Variants in PDE4D observed in about 807,000 individuals in gnomAD.
PDE4D encodes the protein 3',5'-cyclic-AMP phosphodiesterase 4D.
A neutral mutation model predicts 87.4 loss-of-function variants in PDE4D; 24 were observed. That is an observed-to-expected ratio of 0.27 (90% CI 0.20 to 0.39). The LOEUF is 0.39. Among genes scored for constraint, PDE4D ranks in the 10% least tolerant of loss-of-function variants. The pLI is 1.00. For missense variants in PDE4D, 714 were observed against 1,041.0 expected, an observed-to-expected ratio of 0.69 and a Z score of 4.32; for synonymous variants, 384 against 383.2, an observed-to-expected ratio of 1.00 and a Z score of -0.02.
At chr5:60,121,441 C>A (rs1365399627) in intron 2 of PDE4D, among the ~76,000 whole-genome samples, 6 of 152,122 alleles carry the variant, frequency 3.9e-5, no homozygotes, top group African/African-American at 1.2e-4. Context: ...ATTGGACTTA[C>A]ACTTCCATGT....
At chr5:59,499,307 CAAG>C (rs1807820549) in intron 1 of PDE4D, among the ~76,000 whole-genome samples, 1 of 142,806 alleles carries the variant, frequency 7.0e-6, no homozygotes, top group Non-Finnish European at 1.5e-5. Context: ...ATGTCTACAT[CAAG>C]AAGATACATC....
intron 1 of PDE4D, among the ~76,000 whole-genome samples, chr5:59,460,725 T>A (rs1028950215): frequency 1.3e-5 from 2 of 152,178 alleles, no homozygotes; most frequent in African/African-American, 4.8e-5. Context: ...GACAGCTGAC[T>A]TTCCTAGACA....
At chr5:60,429,812 C>T (rs1324654562) in intron 1 of PDE4D, 4 of 343,350 alleles carry the variant, frequency 1.2e-5, no homozygotes, top group Non-Finnish European at 1.7e-5. Context: ...AGGGATAAAG[C>T]CTGCTCAATG....
intron 2 of PDE4D, among the ~76,000 whole-genome samples, chr5:60,033,176 T>C (rs1767428898): frequency 6.6e-6 from 1 of 152,184 alleles, no homozygotes; most frequent in Non-Finnish European, 1.5e-5. Flanking sequence ...ATTTGTGCTG[T>C]TGTTCGGTAA....
At chr5:59,230,029 C>T (rs932464691) in intron 1 of PDE4D, among the ~76,000 whole-genome samples, 3 of 152,140 alleles carry the variant, frequency 2.0e-5, no homozygotes, top group Non-Finnish European at 2.9e-5. Flanking sequence ...TCAGGCGATC[C>T]GCCTGCCTCG....
At chr5:59,115,202 A>T (rs1773390370) in intron 5 of PDE4D, among the ~76,000 whole-genome samples, 1 of 152,182 alleles carries the variant, frequency 6.6e-6, no homozygotes, top group Non-Finnish European at 1.5e-5. Context: ...ATACAGATTG[A>T]GCAAAATATA....
intron 5 of PDE4D, among the ~76,000 whole-genome samples, chr5:59,048,932 T>C (rs1455066416): frequency 2.6e-5 from 4 of 152,216 alleles, no homozygotes; most frequent in Non-Finnish European, 5.9e-5. Flanking sequence ...CAGTCCTATT[T>C]ATAAAGTCAG....
chr5:59,858,217 A>G (rs1745742259), intron 1 of PDE4D, among the ~76,000 whole-genome samples: 1 of 152,134 alleles, frequency 6.6e-6, no homozygotes, highest in Non-Finnish European at 1.5e-5. Flanking sequence ...ACACTTGGGC[A>G]GCAGCTGAAG....
chr5:59,213,907 C>G (rs897466022), intron 2 of PDE4D, among the ~76,000 whole-genome samples: 2 of 152,010 alleles, frequency 1.3e-5, no homozygotes, highest in African/African-American at 4.8e-5. Context: ...GTTTTCTACT[C>G]TCTGCCCTTT....
intron 5 of PDE4D, among the ~76,000 whole-genome samples, chr5:59,074,988 A>G (rs1254171471): frequency 6.6e-6 from 1 of 151,934 alleles, no homozygotes; most frequent in East Asian, 1.9e-4. Context: ...GCTGATCAGA[A>G]GACCTGAGAG....
chr5:60,093,500 A>G (rs1027789874), intron 2 of PDE4D, among the ~76,000 whole-genome samples: 1 of 152,234 alleles, frequency 6.6e-6, no homozygotes, highest in African/African-American at 2.4e-5. Context: ...TTATTCAAGT[A>G]TCTTCATGCC....
rs116074620 is a variant in PDE4D at position 59,972,307 on chromosome 5, C to T, written c.272+16181G>A. On this transcript the variant is annotated intron_variant, in intron 3 of 16. Coordinates refer to the PDE4D transcript ENST00000502484. ...GAAGAGGATTGGATACTGAGTAGCC[C>T]AGTATCTACCCAGTTGTCTACCCTA... Among the ~76,000 whole-genome samples, 746 of 152,298 alleles carry T rather than the reference C, an allele frequency of 4.9e-3. 11 individuals carry two copies. The highest frequency in any genetic ancestry group is 0.017 in the African/African-American group (722 of 41,558).
At chr5:59,163,659 C>A (rs566028866) in intron 5 of PDE4D, among the ~76,000 whole-genome samples, 3 of 152,286 alleles carry the variant, frequency 2.0e-5, no homozygotes, top group Admixed American at 2.0e-4. Context: ...TTAATCTTTT[C>A]CTCTTTTCCA....
At chr5:59,106,529 G>A (rs1274955437) in intron 5 of PDE4D, among the ~76,000 whole-genome samples, 2 of 152,122 alleles carry the variant, frequency 1.3e-5, no homozygotes, top group African/African-American at 2.4e-5. Flanking sequence ...TTGGGAGGCC[G>A]AGGCAGTTGG....
Position 59,642,182 on chromosome 5 carries a change from G to GA in PDE4D, c.455+250985dup, listed in dbSNP as rs1225922579. Among the ~76,000 whole-genome samples, 4 of 152,006 alleles carry GA rather than the reference G, an allele frequency of 2.6e-5. No individual in the cohort carries two copies. The East Asian group carries it at 5.8e-4, about 22-fold the overall frequency. ...TTTTTCAGGTGTAGGAAGAACTCTG[G>GA]AAAAAACTATATAAAATTTAAGTAA... On this transcript the variant is annotated intron_variant, in intron 1 of 14. Transcript: ENST00000340635.
At chr5:58,981,009 A>C (rs1474712936) in intron 11 of PDE4D, among the ~76,000 whole-genome samples, 1 of 151,974 alleles carries the variant, frequency 6.6e-6, no homozygotes, top group Non-Finnish European at 1.5e-5. Flanking sequence ...CCCTTCCCCC[A>C]ATGTTTTGTT....
intron 2 of PDE4D, chr5:60,022,576 C>T (rs1766181654): frequency 6.6e-6 from 1 of 152,140 alleles, no homozygotes; most frequent in Non-Finnish European, 1.5e-5. Flanking sequence ...GAGAGCATCC[C>T]AGCTCTCTCT....
At chr5:60,105,890 C>T (rs1776840374) in intron 2 of PDE4D, among the ~76,000 whole-genome samples, 1 of 152,180 alleles carries the variant, frequency 6.6e-6, no homozygotes, top group African/African-American at 2.4e-5. Flanking sequence ...CCAGTACCAA[C>T]CACTGCAAAA....
intron 1 of PDE4D, among the ~76,000 whole-genome samples, chr5:59,691,322 A>C (rs1021035664): frequency 6.6e-6 from 1 of 152,156 alleles, no homozygotes; most frequent in African/African-American, 2.4e-5. Flanking sequence ...AACCAACCCA[A>C]ATGTCCATCA....
Sources: gnomAD v4.1 joint callset for allele counts (sites outside exome capture counted in the v4.1 genomes callset) on GRCh38, gnomAD v4.1.1 for gene constraint, MANE v1.5 for transcripts, NCBI Gene and HGNC (gene_info 2026-07-23, HGNC 2026-07-21) for gene names.